CLIP2: variants seen among roughly 807,000 people sequenced by gnomAD.
The protein encoded by CLIP2 is CAP-Gly domain containing linker protein 2.
A neutral mutation model predicts 111.7 loss-of-function variants in CLIP2; 41 were observed. The ratio of observed to expected loss-of-function variants is 0.37; its 90% CI spans 0.29 to 0.48. The LOEUF is 0.48. CLIP2 is among the 20% of genes least tolerant of loss of function. The pLI is 0.99. For missense variants in CLIP2, 1,160 were observed against 1,422.1 expected (o/e 0.82, Z 2.96); for synonymous variants, 660 against 644.2 (o/e 1.02, Z -0.37).
At position 74,400,618 on chromosome 7, in the gene CLIP2, C is replaced by T. The variant is rs564852619; in HGVS notation, c.3066+63C>T. On this transcript the variant is annotated intron_variant, in intron 15 of 16. Coordinates refer to ENST00000223398, the MANE Select transcript of CLIP2 (RefSeq NM_003388.5). ...CACGGGGCAGTGTCCTCGGAGCCCC[C>T]GTCTGATGCGGGAGGCAGCCTTGTC... The T allele has an allele frequency of 2.2e-5, 32 of 1,424,214 alleles. No homozygotes were observed. In the East Asian group the frequency reaches 5.3e-4, roughly 24 times the overall value. 88.2% of individuals were successfully genotyped at this position (1,424,214 alleles called of 1,614,324 possible). A position where few individuals can be genotyped will look rare whatever the true frequency, so the allele number is the denominator to read the frequency against.
At chr7:74,297,611 C>A in intron 1 of CLIP2, among the ~76,000 whole-genome samples, 1 of 152,090 alleles carries the variant, frequency 6.6e-6, no homozygotes, top group East Asian at 1.9e-4. Flanking sequence ...GTGGGACCTA[C>A]CCCTGGGAAC....
At chr7:74,383,349 T>C (rs529052568) in intron 11 of CLIP2, among the ~76,000 whole-genome samples, 1 of 152,308 alleles carries the variant, frequency 6.6e-6, no homozygotes, top group African/African-American at 2.4e-5. Flanking sequence ...AATTCACTTA[T>C]GTAATTGACT....
At chr7:74,326,823 A>G (rs1554730711) in intron 2 of CLIP2, among the ~76,000 whole-genome samples, 1 of 150,662 alleles carries the variant, frequency 6.6e-6, no homozygotes, top group African/African-American at 2.4e-5. Context: ...TTTTGAGTAC[A>G]GACGGGGTTT....
At chr7:74,339,109 C>A in intron 3 of CLIP2, 105 bp downstream of exon 3, 1 of 1,079,398 alleles carries the variant, frequency 9.3e-7, no homozygotes, top group Non-Finnish European at 1.3e-6. Context: ...GGTGGGGACT[C>A]GAAGGGGGCT....
At chr7:74,401,995 G>A (rs1057003354) in intron 16 of CLIP2, among the ~76,000 whole-genome samples, 1 of 152,050 alleles carries the variant, frequency 6.6e-6, no homozygotes, top group East Asian at 1.9e-4. Flanking sequence ...GGGCACAGTG[G>A]CTCATGTCTG....
intron 1 of CLIP2, among the ~76,000 whole-genome samples, chr7:74,310,647 C>T (rs1554728375): frequency 2.0e-5 from 3 of 151,934 alleles, no homozygotes; most frequent in Admixed American, 6.6e-5. Flanking sequence ...GTTTATAAAA[C>T]TTTCTATGGA....
At chr7:74,354,151 C>T (rs1790087749) in intron 4 of CLIP2, 147 bp downstream of exon 4, 3 of 1,011,068 alleles carry the variant, frequency 3.0e-6, no homozygotes, top group Admixed American at 2.5e-5. Flanking sequence ...TCCTTCCCAA[C>T]AGCCCACTAA....
chr7:74,359,118 C>T (rs537047878), intron 6 of CLIP2, among the ~76,000 whole-genome samples: 58 of 151,852 alleles, frequency 3.8e-4, no homozygotes, highest in Admixed American at 7.2e-4. Flanking sequence ...TGTGTGCCAC[C>T]ACGCCCAGCT....
chr7:74,380,711 A>AGGGTGTGCAAACTGC (rs1790917554), intron 10 of CLIP2, 95 bp from the exon 11 acceptor site: 7 of 958,644 alleles, frequency 7.3e-6, no homozygotes, highest in Non-Finnish European at 1.1e-5. Flanking sequence ...TTGTAGGAGT[A>AGGGTGTGCAAACTGC]GGGTGTGCAA....
intron 1 of CLIP2, among the ~76,000 whole-genome samples, chr7:74,296,856 A>G (rs1788184556): frequency 6.6e-6 from 1 of 151,818 alleles, no homozygotes; most frequent in African/African-American, 2.4e-5. Flanking sequence ...TTGGACTTCC[A>G]GCCTCCATAG....
chr7:74,370,545 TATC>T (rs1228085451), intron 8 of CLIP2, among the ~76,000 whole-genome samples: 2 of 151,236 alleles, frequency 1.3e-5, no homozygotes, highest in African/African-American at 4.9e-5. Flanking sequence ...AGACACTAGA[TATC>T]ATCTAGGCTC....
intron 2 of CLIP2, among the ~76,000 whole-genome samples, chr7:74,336,875 G>GTTTTTTTTTTTTTTTTT (rs1385833904): frequency 1.9e-4 from 7 of 36,618 alleles, no homozygotes; most frequent in Non-Finnish European, 3.5e-4. Flanking sequence ...TTTTTTTTTT[G>GTTTTTTTTTTTTTTTTT]TTTTTTTTTG....
chr7:74,334,416 G>C (rs1019445137), intron 2 of CLIP2, among the ~76,000 whole-genome samples: 3 of 152,102 alleles, frequency 2.0e-5, no homozygotes, highest in Non-Finnish European at 4.4e-5. Context: ...GATTACCTGA[G>C]GGTCCGCCTG....
At chr7:74,315,016 C>A (rs2116495969) in intron 1 of CLIP2, among the ~76,000 whole-genome samples, 1 of 152,354 alleles carries the variant, frequency 6.6e-6, no homozygotes, top group East Asian at 1.9e-4. Context: ...GTGGCTCACG[C>A]CTGTAATCCC....
intron 11 of CLIP2, among the ~76,000 whole-genome samples, chr7:74,385,737 CTTTTTTTTT>C (rs869087670): frequency 3.4e-5 from 4 of 117,724 alleles, no homozygotes; most frequent in African/African-American, 9.5e-5. Flanking sequence ...GTCGGGTCTT[CTTTTTTTTT>C]TTTTTTTTTT....
rs782612360 is a variant in CLIP2 at position 74,376,934 on chromosome 7, T to C, written c.2421+112T>C. 5.4e-6 allele frequency: 6 copies of C among 1,113,852 alleles called. No individual in the cohort carries two copies. The highest frequency in any genetic ancestry group is 7.4e-6 in the Non-Finnish European group (6 of 806,444). 69.0% of individuals were successfully genotyped at this position (1,113,852 alleles called of 1,614,324 possible). ...AGCATTTCCCTTGTCCCCGAGAGCA[T>C]GCCTGGGGCAGTCAAGGAAGGGGTC... On this transcript the variant is annotated intron_variant, in intron 10 of 16. Coordinates refer to ENST00000223398, the MANE Select transcript of CLIP2 (RefSeq NM_003388.5). The surrounding 1 kb of genome is among the most constrained non-coding windows in gnomAD (Gnocchi z 7.1).
At chr7:74,324,095 C>T (rs1376817639) in intron 2 of CLIP2, among the ~76,000 whole-genome samples, 2 of 152,058 alleles carry the variant, frequency 1.3e-5, no homozygotes, top group African/African-American at 4.8e-5. Context: ...TGGGTTCAAG[C>T]GATTCTTCTG....
intron 16 of CLIP2, 36 bp from the exon 17 acceptor site, chr7:74,403,801 G>C (rs1554318106): frequency 1.9e-6 from 3 of 1,612,516 alleles, no homozygotes; most frequent in East Asian, 2.2e-5. Flanking sequence ...CAGGCTCTCT[G>C]AGACCCTTGC....
At chr7:74,369,266 G>A (rs551232816) in intron 8 of CLIP2, among the ~76,000 whole-genome samples, 37 of 152,166 alleles carry the variant, frequency 2.4e-4, no homozygotes, top group Non-Finnish European at 4.1e-4. Context: ...CAGGAGAAGC[G>A]CTTGAGCCAG....
Sources: allele counts gnomAD v4.1 joint callset (sites outside exome capture counted in the v4.1 genomes callset), GRCh38; gene constraint gnomAD v4.1.1; non-coding constraint Gnocchi (gnomAD v3.1); transcripts MANE v1.5; gene names NCBI Gene and HGNC (gene_info 2026-07-23, HGNC 2026-07-21).